The following PUDP variants were observed in gnomAD, a reference collection of about 807,000 sequenced individuals.
PUDP encodes the protein pseudouridine 5'-phosphatase.
A neutral mutation model predicts 9.4 loss-of-function variants in PUDP; 8 were observed. The ratio of observed to expected loss-of-function variants is 0.85; its 90% CI spans 0.50 to 1.53. The LOEUF is 1.53. Among genes scored for constraint, PUDP ranks in the 40% most tolerant of loss-of-function variants. The probability of loss-of-function intolerance (pLI) is 0.00; values close to 1 mark genes in which losing one functional copy is unlikely to be tolerated. For synonymous variants in PUDP, 99 were observed against 80.7 expected (o/e 1.23, Z -1.22); for missense variants, 188 against 189.7 (o/e 0.99, Z 0.05).
At chrX:7,106,356 CACGGG>C (rs1333641754) in intron 1 of PUDP, among the ~76,000 whole-genome samples, 1 of 112,019 alleles carries the variant, frequency 8.9e-6, no homozygotes, top group African/African-American at 3.2e-5. Context: ...CACAGGCTGT[CACGGG>C]ATGGTGAAAG....
At chrX:6,860,232 T>A (rs766861223) in intron 3 of PUDP, among the ~76,000 whole-genome samples, 1 of 111,153 alleles carries the variant, frequency 9.0e-6, no homozygotes, top group Non-Finnish European at 1.9e-5. Context: ...TCCTCCCTCA[T>A]CGGCCTCCCA....
At chrX:6,812,284 C>G (rs1177532187) in intron 3 of PUDP, among the ~76,000 whole-genome samples, 1 of 112,129 alleles carries the variant, frequency 8.9e-6, no homozygotes, top group Non-Finnish European at 1.9e-5. Context: ...ACAGGTAACT[C>G]TGCAAAACTC....
At chrX:6,796,143 C>T (rs937536504) in intron 3 of PUDP, among the ~76,000 whole-genome samples, 1 of 112,149 alleles carries the variant, frequency 8.9e-6, no homozygotes, top group Non-Finnish European at 1.9e-5. Context: ...CCATTAGCAA[C>T]CCCAAACCCA....
chrX:6,982,947 G>T (rs1353683204), intron 1 of PUDP, among the ~76,000 whole-genome samples: 1 of 111,796 alleles, frequency 8.9e-6, no homozygotes, highest in African/African-American at 3.3e-5. Flanking sequence ...CCATTGCCCG[G>T]CGAAAGGATA....
At chrX:6,813,578 A>C (rs1019038151) in intron 3 of PUDP, among the ~76,000 whole-genome samples, 1 of 111,515 alleles carries the variant, frequency 9.0e-6, no homozygotes, top group Non-Finnish European at 1.9e-5. Flanking sequence ...CGTAGCAAAA[A>C]ATTGGAAAAC....
intron 3 of PUDP, among the ~76,000 whole-genome samples, chrX:6,816,731 TAC>T (rs1241822948): frequency 3.1e-5 from 3 of 97,357 alleles, no homozygotes; most frequent in Non-Finnish European, 4.0e-5. Context: ...ACAATATATA[TAC>T]ACACATAGTA....
At chrX:6,786,271 C>G (rs762276216) in intron 3 of PUDP, among the ~76,000 whole-genome samples, 1 of 111,647 alleles carries the variant, frequency 9.0e-6, no homozygotes, top group East Asian at 2.8e-4. Context: ...GATTTACAAA[C>G]CCTGAAGCAG....
At chrX:6,898,984 T>G (rs1243862906) in intron 3 of PUDP, among the ~76,000 whole-genome samples, 1 of 111,707 alleles carries the variant, frequency 9.0e-6, no homozygotes, top group East Asian at 2.8e-4. Context: ...ACCCCTTCAT[T>G]TGCACCTACT....
intron 3 of PUDP, among the ~76,000 whole-genome samples, chrX:6,877,356 A>T (rs754432144): frequency 8.9e-6 from 1 of 111,926 alleles, no homozygotes; most frequent in African/African-American, 3.2e-5. Context: ...AATATGGAGC[A>T]GTTTTTAAAG....
chrX:7,051,339 C>T, intron 3 of PUDP, among the ~76,000 whole-genome samples: 1 of 111,022 alleles, frequency 9.0e-6, no homozygotes, highest in East Asian at 2.8e-4. Flanking sequence ...GGAATCTAAG[C>T]TATGAGGATG....
intron 3 of PUDP, among the ~76,000 whole-genome samples, chrX:6,758,230 G>A: frequency 8.9e-6 from 1 of 111,857 alleles, no homozygotes. Context: ...GGGAGGCTGA[G>A]GCAGGAGAAT....
chrX:7,114,890 C>G (rs1188366310), intron 1 of PUDP, among the ~76,000 whole-genome samples: 1 of 112,032 alleles, frequency 8.9e-6, no homozygotes, highest in Admixed American at 9.4e-5. Context: ...ATATTGTACC[C>G]CATTATGGTT....
At chrX:6,852,450 G>C (rs760932775) in intron 3 of PUDP, among the ~76,000 whole-genome samples, 4 of 111,598 alleles carry the variant, frequency 3.6e-5, no homozygotes, top group Non-Finnish European at 5.7e-5. Context: ...TTGGGTGTAG[G>C]GCTCACCAGG....
intron 3 of PUDP, among the ~76,000 whole-genome samples, chrX:7,071,034 G>A (rs1452954258): frequency 8.9e-6 from 1 of 112,005 alleles, no homozygotes; most frequent in Non-Finnish European, 1.9e-5. Context: ...GTACGATAAG[G>A]ATAAGTTAAG....
chrX:7,092,547 A>G (rs1161266430), intron 2 of PUDP, among the ~76,000 whole-genome samples: 1 of 111,854 alleles, frequency 8.9e-6, no homozygotes, highest in Non-Finnish European at 1.9e-5. Context: ...ATAGTCTCAA[A>G]TATTAAAGTC....
At chrX:6,924,109 C>T (rs778322294) in intron 3 of PUDP, among the ~76,000 whole-genome samples, 10 of 111,459 alleles carry the variant, frequency 9.0e-5, no homozygotes, top group African/African-American at 2.9e-4. Flanking sequence ...AAAATGTCAA[C>T]CCCAGCCCTG....
intron 1 of PUDP, among the ~76,000 whole-genome samples, chrX:6,715,544 G>C (rs949065127): frequency 8.9e-6 from 1 of 112,301 alleles, no homozygotes; most frequent in African/African-American, 3.2e-5. Context: ...TTCAATAAAT[G>C]ATGCCTTAAT....
intron 1 of PUDP, among the ~76,000 whole-genome samples, chrX:7,142,745 A>G (rs1412819733): frequency 1.9e-5 from 2 of 105,678 alleles, no homozygotes; most frequent in African/African-American, 7.0e-5. Flanking sequence ...CCCGGGTTCA[A>G]GTGATTCTCG....
At chrX:7,148,016 C>G in intron 1 of PUDP, 37 bp downstream of exon 1, 1 of 1,089,228 alleles carries the variant, frequency 9.2e-7, no homozygotes, top group Non-Finnish European at 1.2e-6. Context: ...CCACACAAGA[C>G]CGCCCTTACT....
Sources: allele counts gnomAD v4.1 joint callset (sites outside exome capture counted in the v4.1 genomes callset), GRCh38; gene constraint gnomAD v4.1.1; transcripts MANE v1.5; gene names NCBI Gene and HGNC (gene_info 2026-07-23, HGNC 2026-07-21).